ENOX1: variants seen among roughly 807,000 people sequenced by gnomAD.
The protein encoded by ENOX1 is candidate growth-related and time keeping constitutive hydroquinone (NADH) oxidase.
ENOX1 carries 42 observed loss-of-function variants against 82.5 expected under a neutral mutation model. That is an observed-to-expected ratio of 0.51 (90% CI 0.40 to 0.66). The LOEUF (loss-of-function observed/expected upper bound fraction) is 0.66, where lower values mean the gene tolerates loss of function less well. ENOX1 is among the 30% of genes least tolerant of loss of function. The pLI is 0.00. For missense variants in ENOX1, 608 were observed against 811.6 expected, an observed-to-expected ratio of 0.75 and a Z score of 3.05; for synonymous variants, 271 against 282.2, an observed-to-expected ratio of 0.96 and a Z score of 0.40.
intron 14 of ENOX1, among the ~76,000 whole-genome samples, chr13:43,254,265 A>C (rs1326405008): frequency 6.6e-6 from 1 of 152,228 alleles, no homozygotes; most frequent in Non-Finnish European, 1.5e-5. Flanking sequence ...AGTTCACAGC[A>C]CACGACCTCA....
At chr13:43,630,080 G>A (rs2083136448) in intron 2 of ENOX1, among the ~76,000 whole-genome samples, 1 of 152,068 alleles carries the variant, frequency 6.6e-6, no homozygotes, top group South Asian at 2.1e-4. Flanking sequence ...ATTTTATTGG[G>A]ACTATTCCCT....
chr13:43,406,933 A>C (rs1181633098), intron 5 of ENOX1, among the ~76,000 whole-genome samples: 3 of 152,216 alleles, frequency 2.0e-5, no homozygotes, highest in African/African-American at 7.2e-5. Flanking sequence ...GATTTCAAAA[A>C]GTTTATAGAA....
intron 12 of ENOX1, among the ~76,000 whole-genome samples, chr13:43,293,104 A>G (rs962239305): frequency 6.6e-6 from 1 of 151,866 alleles, no homozygotes; most frequent in Non-Finnish European, 1.5e-5. Flanking sequence ...CTTCATTACC[A>G]CAGCCACTAC....
At chr13:43,574,333 C>T (rs942102589) in intron 2 of ENOX1, among the ~76,000 whole-genome samples, 30 of 152,134 alleles carry the variant, frequency 2.0e-4, no homozygotes, top group African/African-American at 7.0e-4. Flanking sequence ...ATCAGGAAAG[C>T]AAGCCACCAC....
intron 1 of ENOX1, among the ~76,000 whole-genome samples, chr13:43,771,796 G>C (rs1434155640): frequency 6.6e-6 from 1 of 151,030 alleles, no homozygotes; most frequent in South Asian, 2.1e-4. Context: ...ATGGAGTCTC[G>C]CTCTGTCGCC....
intron 1 of ENOX1, among the ~76,000 whole-genome samples, chr13:43,756,987 A>C (rs1039172175): frequency 8.6e-5 from 12 of 139,768 alleles, no homozygotes; most frequent in African/African-American, 2.6e-4. Context: ...AAAAAAAAAA[A>C]AAAAAAAGCT....
At chr13:43,753,176 T>C (rs1950413506) in intron 1 of ENOX1, among the ~76,000 whole-genome samples, 1 of 152,186 alleles carries the variant, frequency 6.6e-6, no homozygotes. Flanking sequence ...CACTTCTATA[T>C]AACTTTTAAG....
At chr13:43,613,763 T>A (rs2082292888) in intron 2 of ENOX1, among the ~76,000 whole-genome samples, 1 of 151,864 alleles carries the variant, frequency 6.6e-6, no homozygotes, top group Admixed American at 6.6e-5. Context: ...GAAGATTAAA[T>A]CTACTAAAAT....
At chr13:43,481,109 G>A (rs931370663) in intron 3 of ENOX1, among the ~76,000 whole-genome samples, 8 of 152,020 alleles carry the variant, frequency 5.3e-5, no homozygotes, top group African/African-American at 1.7e-4. Context: ...GCAACTTTTT[G>A]CTAGCAACAA....
chr13:43,411,892 C>T, intron 5 of ENOX1, 24 bp downstream of exon 5: 1 of 1,613,846 alleles, frequency 6.2e-7, no homozygotes, highest in Non-Finnish European at 8.5e-7. Flanking sequence ...CTGCAAGCAT[C>T]TCTGAAACCA....
intron 2 of ENOX1, among the ~76,000 whole-genome samples, chr13:43,517,221 G>T (rs1033234186): frequency 6.6e-6 from 1 of 152,164 alleles, no homozygotes; most frequent in Non-Finnish European, 1.5e-5. Flanking sequence ...CTTAGGCTGG[G>T]TGTGGTGGCT....
rs189479028 is a variant in ENOX1 at position 43,446,508 on chromosome 13, T to C, written c.-74-33520A>G. On this transcript the variant is annotated intron_variant, in intron 3 of 16. Coordinates refer to ENST00000690772, the MANE Select transcript of ENOX1 (RefSeq NM_001347969.2). ...CCCAGTGGCTCCTTATCTTCTAGAA[T>C]GCTTAAATGCCTACTGGGCTGATGG... 2.4e-3 allele frequency among the ~76,000 whole-genome samples: 365 copies of C among 152,260 alleles called. 1 individual carries two copies. The highest frequency in any genetic ancestry group is 3.8e-3 in the Non-Finnish European group (259 of 67,998).
In ENOX1 at chr13:43,687,790, T is replaced by C. The variant is rs1938592807; in HGVS notation, c.-284-20246A>G. 3.3e-5 allele frequency among the ~76,000 whole-genome samples: 5 copies of C among 152,092 alleles called. No homozygotes were observed. The South Asian group carries it at 8.3e-4, about 25-fold the overall frequency. ...AAATCATAAGGCCAATCAAATGTAGTAACTATAATGACAGATGAAGCACAG... is the reference window on the plus strand; with the variant it reads ...AAATCATAAGGCCAATCAAATGTAGCAACTATAATGACAGATGAAGCACAG... On this transcript the variant is annotated intron_variant, in intron 1 of 16. Transcript: ENST00000690772.
intron 1 of ENOX1, among the ~76,000 whole-genome samples, chr13:43,784,399 C>G (rs1051396826): frequency 1.3e-5 from 2 of 152,182 alleles, no homozygotes; most frequent in African/African-American, 4.8e-5. Context: ...TATATCAAAT[C>G]CTGTTTCTTG....
intron 3 of ENOX1, among the ~76,000 whole-genome samples, chr13:43,439,959 T>C (rs769774042): frequency 3.3e-5 from 5 of 152,232 alleles, no homozygotes; most frequent in Non-Finnish European, 7.3e-5. Context: ...ATCAAAAGCA[T>C]ACAGCTATAG....
At chr13:43,740,052 C>T (rs1045457654) in intron 1 of ENOX1, among the ~76,000 whole-genome samples, 1 of 150,456 alleles carries the variant, frequency 6.6e-6, no homozygotes, top group African/African-American at 2.5e-5. Flanking sequence ...TGCAGCTTTT[C>T]AACTGTGCAA....
chr13:43,621,904 G>T (rs1397093202), intron 2 of ENOX1, among the ~76,000 whole-genome samples: 1 of 152,122 alleles, frequency 6.6e-6, no homozygotes, highest in Non-Finnish European at 1.5e-5. Flanking sequence ...CTCAGGTTTG[G>T]TCATTTAACA....
At chr13:43,459,684 T>C (rs2057377981) in intron 3 of ENOX1, among the ~76,000 whole-genome samples, 2 of 152,126 alleles carry the variant, frequency 1.3e-5, no homozygotes, top group Non-Finnish European at 2.9e-5. Context: ...TAATCCTTTG[T>C]TTTCTCTTTG....
intron 9 of ENOX1, among the ~76,000 whole-genome samples, chr13:43,336,053 TG>T (rs1226983328): frequency 6.6e-6 from 1 of 152,250 alleles, no homozygotes; most frequent in Admixed American, 6.5e-5. Flanking sequence ...AAAGCAGTTA[TG>T]GGGAATTTTT....
Sources: allele counts gnomAD v4.1 joint callset (sites outside exome capture counted in the v4.1 genomes callset), GRCh38; gene constraint gnomAD v4.1.1; transcripts MANE v1.5; gene names NCBI Gene and HGNC (gene_info 2026-07-23, HGNC 2026-07-21).